ZBTB20: variants seen among roughly 807,000 people sequenced by gnomAD.
ZBTB20 encodes zinc finger and BTB domain-containing protein 20.
ZBTB20 carries 9 observed loss-of-function variants against 56.9 expected under a neutral mutation model. The observed-to-expected ratio is 0.16, with a 90% confidence interval of 0.10 to 0.28. ZBTB20 has a LOEUF of 0.28. Among genes scored for constraint, ZBTB20 ranks in the 10% least tolerant of loss-of-function variants. The pLI, the probability that ZBTB20 is intolerant of heterozygous loss-of-function variation, is 1.00. For synonymous variants in ZBTB20, 417 were observed against 420.7 expected (o/e 0.99, Z 0.11); for missense variants, 655 against 1,003.0 (o/e 0.65, Z 4.69).
intron 4 of ZBTB20, among the ~76,000 whole-genome samples, chr3:114,885,100 T>C (rs1276891965): frequency 6.6e-6 from 1 of 152,228 alleles, no homozygotes; most frequent in Admixed American, 6.5e-5. Context: ...ATGCTTACTA[T>C]GGCTATATTT....
chr3:115,139,378 A>G (rs1301575876), intron 1 of ZBTB20, among the ~76,000 whole-genome samples: 1 of 152,080 alleles, frequency 6.6e-6, no homozygotes, highest in Non-Finnish European at 1.5e-5. Context: ...CATTAAAGAT[A>G]TATCAAGTAG....
chr3:114,489,506 C>A (rs1381486908), intron 7 of ZBTB20, among the ~76,000 whole-genome samples: 1 of 151,554 alleles, frequency 6.6e-6, no homozygotes, highest in African/African-American at 2.4e-5. Context: ...TTAATTATAC[C>A]AGGAAGTATT....
Position 114,318,733 on chromosome 3 carries a change from C to T in ZBTB20, c.*20272G>A. 1 of 152,192 alleles carries T rather than the reference C, an allele frequency of 6.6e-6. No individual in the cohort carries two copies. Among genetic ancestry groups the T allele is most frequent in the East Asian group, 1.9e-4 (1 of 5,204 alleles). The allele number at this position is 152,192 out of a possible 1,614,324, so 9.4% of individuals were successfully genotyped here. A position where few individuals can be genotyped will look rare whatever the true frequency, so the allele number is the denominator to read the frequency against. ...CAGAAACAAATTTAACTTTGGTTTT[C>T]CAACTTTTTCAAACCATAAAAATTA... is the stretch of plus-strand genomic sequence containing the variant. On this transcript the variant is annotated 3_prime_UTR_variant, in exon 12 of 12. Coordinates refer to ENST00000675478, the MANE Select transcript of ZBTB20 (RefSeq NM_001348800.3).
chr3:114,998,935 G>A (rs938860762), intron 2 of ZBTB20, among the ~76,000 whole-genome samples: 1 of 145,120 alleles, frequency 6.9e-6, no homozygotes, highest in Non-Finnish European at 1.5e-5. Flanking sequence ...AGAAAATTGG[G>A]TAAGATCAAT....
chr3:115,078,331 C>A (rs771210367), intron 1 of ZBTB20, among the ~76,000 whole-genome samples: 20 of 152,054 alleles, frequency 1.3e-4, no homozygotes, highest in Non-Finnish European at 2.5e-4. Context: ...AGTGCTAAGC[C>A]AGAACTCTGG....
intron 6 of ZBTB20, among the ~76,000 whole-genome samples, chr3:114,588,547 T>C (rs913836053): frequency 2.0e-5 from 3 of 152,206 alleles, no homozygotes; most frequent in African/African-American, 4.8e-5. Flanking sequence ...TTTTTTCTTA[T>C]AGTATTTCCA....
chr3:114,902,214 T>C (rs1297517788), intron 3 of ZBTB20, among the ~76,000 whole-genome samples: 1 of 152,164 alleles, frequency 6.6e-6, no homozygotes, highest in African/African-American at 2.4e-5. Context: ...CTTCTTTACT[T>C]ATTATGCAGA....
chr3:114,756,424 T>TTTAAAA (rs1560213517), intron 5 of ZBTB20, among the ~76,000 whole-genome samples: 2 of 152,162 alleles, frequency 1.3e-5, no homozygotes, highest in Non-Finnish European at 1.5e-5. Flanking sequence ...TCAGTTCTGT[T>TTTAAAA]TTAAAATTTT....
chr3:115,027,077 C>T (rs2080457267), intron 2 of ZBTB20, among the ~76,000 whole-genome samples: 1 of 150,852 alleles, frequency 6.6e-6, no homozygotes, highest in Admixed American at 6.6e-5. Context: ...TTCATTTATT[C>T]ATTCCTACAT....
intron 5 of ZBTB20, among the ~76,000 whole-genome samples, chr3:114,798,309 A>G (rs1264057596): frequency 6.7e-6 from 1 of 149,404 alleles, no homozygotes; most frequent in African/African-American, 2.5e-5. Flanking sequence ...TTGCTCAACC[A>G]AAGGCATGAT....
intron 5 of ZBTB20, among the ~76,000 whole-genome samples, chr3:114,764,589 T>C (rs953345457): frequency 2.0e-5 from 3 of 152,198 alleles, no homozygotes; most frequent in Non-Finnish European, 4.4e-5. Context: ...ATGACGGAAG[T>C]CTAACAGACA....
chr3:114,954,903 A>AAACAAAGGTGTCTTCACTTGC (rs1261748614), intron 3 of ZBTB20, among the ~76,000 whole-genome samples: 1 of 152,232 alleles, frequency 6.6e-6, no homozygotes, highest in South Asian at 2.1e-4. Context: ...GAACAAAGGT[A>AAACAAAGGTGTCTTCACTTGC]AACAAAGGTG....
intron 5 of ZBTB20, among the ~76,000 whole-genome samples, chr3:114,740,365 C>T (rs1244718923): frequency 6.6e-6 from 1 of 152,118 alleles, no homozygotes. Context: ...AGAGATCCAT[C>T]GACCAGATTG....
At chr3:114,686,836 T>G (rs776315734) in intron 6 of ZBTB20, among the ~76,000 whole-genome samples, 7 of 152,120 alleles carry the variant, frequency 4.6e-5, no homozygotes, top group Non-Finnish European at 8.8e-5. Context: ...ACTTCCTTCC[T>G]TCCCTCCCTA....
At chr3:114,825,086 T>A (rs78663481) in intron 4 of ZBTB20, among the ~76,000 whole-genome samples, 1 of 151,910 alleles carries the variant, frequency 6.6e-6, no homozygotes, top group African/African-American at 2.4e-5. Context: ...TCCTCTACCA[T>A]CTTTACTGAC....
chr3:114,702,185 G>GA (rs373951461), intron 5 of ZBTB20, among the ~76,000 whole-genome samples: 3 of 150,836 alleles, frequency 2.0e-5, no homozygotes, highest in Non-Finnish European at 4.4e-5. Context: ...AAAACACAGT[G>GA]AAAAAAAAAT....
chr3:114,867,111 A>G (rs1169640092), intron 4 of ZBTB20, among the ~76,000 whole-genome samples: 1 of 152,160 alleles, frequency 6.6e-6, no homozygotes, highest in African/African-American at 2.4e-5. Flanking sequence ...AAGAGCAAAG[A>G]TAGGTCCAGA....
chr3:114,843,312 C>G (rs1291486561), intron 4 of ZBTB20, among the ~76,000 whole-genome samples: 1 of 152,138 alleles, frequency 6.6e-6, no homozygotes, highest in East Asian at 1.9e-4. Flanking sequence ...AATCTATCTC[C>G]CCCTGAGTCC....
intron 11 of ZBTB20, among the ~76,000 whole-genome samples, chr3:114,342,192 TGA>T (rs144395975): frequency 0.016 from 2,503 of 152,342 alleles, 68 homozygotes; most frequent in African/African-American, 0.057. Context: ...CAGGAATGAA[TGA>T]TTGTGTTTTA....
Sources: gnomAD v4.1 joint callset for allele counts (sites outside exome capture counted in the v4.1 genomes callset) on GRCh38, gnomAD v4.1.1 for gene constraint, MANE v1.5 for transcripts, NCBI Gene and HGNC (gene_info 2026-07-23, HGNC 2026-07-21) for gene names.